CTCFL: variants seen among roughly 807,000 people sequenced by gnomAD.
CTCFL encodes CCCTC-binding factor like.
In CTCFL, 36 loss-of-function variants were observed where a neutral mutation model predicts 67.4. The observed-to-expected ratio is 0.53, with a 90% CI of 0.41 to 0.71. The LOEUF (loss-of-function observed/expected upper bound fraction) is 0.71. Among genes scored for constraint, CTCFL ranks in the 30% least tolerant of loss-of-function variants. The pLI, the probability that CTCFL is intolerant of heterozygous loss-of-function variation, is 0.00. For synonymous variants in CTCFL, 324 were observed against 302.3 expected (o/e 1.07, Z -0.75); for missense variants, 786 against 835.2 (o/e 0.94, Z 0.73).
At chr20:57,501,423 G>C (rs954267768) in intron 10 of CTCFL, among the ~76,000 whole-genome samples, 1 of 151,750 alleles carries the variant, frequency 6.6e-6, no homozygotes, top group Non-Finnish European at 1.5e-5. Flanking sequence ...TGCTCATCTG[G>C]GGGGTGGGTT....
At chr20:57,511,596 CT>C (rs1555851901) in intron 8 of CTCFL, among the ~76,000 whole-genome samples, 3,564 of 134,982 alleles carry the variant, frequency 0.026, 127 homozygotes, top group African/African-American at 0.084. Flanking sequence ...AATCCCCCCC[CT>C]TTTTTTTTTT....
chr20:57,503,316 C>T lies in CTCFL; in HGVS notation c.1840+120G>A, dbSNP rs73297588. The T allele has an allele frequency of 3.5e-4, 418 of 1,196,670 alleles. 2 individuals carry two copies. In the African/African-American group the frequency reaches 4.5e-3, roughly 13 times the overall value. The allele number at this position is 1,196,670 out of a possible 1,614,324, so 74.1% of individuals were successfully genotyped here. A position where few individuals can be genotyped will look rare whatever the true frequency, so the allele number is the denominator to read the frequency against. ...TCTGGCACAAGCCACCTTGCAGGACCGACTGGTGGACAAATAGGGGCTCTG... is the reference window on the plus strand; with the variant it reads ...TCTGGCACAAGCCACCTTGCAGGACTGACTGGTGGACAAATAGGGGCTCTG... On this transcript the variant is annotated intron_variant, in intron 10 of 10. Transcript: ENST00000243914.
At position 57,514,892 on chromosome 20, in the gene CTCFL, T is replaced by A. The variant is rs1263149903; in HGVS notation, c.1181-151A>T. 3 of 735,036 alleles carry A rather than the reference T, an allele frequency of 4.1e-6. No homozygotes were observed. In the African/African-American group the frequency reaches 5.3e-5, roughly 13 times the overall value. 45.5% of individuals were successfully genotyped at this position (735,036 alleles called of 1,614,324 possible). A position where few individuals can be genotyped will look rare whatever the true frequency, so the allele number is the denominator to read the frequency against. On this transcript the variant is annotated intron_variant, in intron 6 of 10. Transcript: ENST00000243914. ...CCCCAATTAGTATGAGACTCCCAAATCAAGCCCAGACAGCTTATGTCAAGT... is the reference window on the plus strand; with the variant it reads ...CCCCAATTAGTATGAGACTCCCAAAACAAGCCCAGACAGCTTATGTCAAGT...
chr20:57,503,774 G>A (rs1004852423), intron 9 of CTCFL, among the ~76,000 whole-genome samples, 173 bp from the exon 10 acceptor site: 4 of 152,086 alleles, frequency 2.6e-5, no homozygotes, highest in Admixed American at 6.5e-5. Context: ...TGATAAGCAA[G>A]AAGGTAATAG....
intron 10 of CTCFL, chr20:57,499,934 C>T: frequency 1.0e-6 from 1 of 984,850 alleles, no homozygotes; most frequent in Non-Finnish European, 1.2e-6. Context: ...TCCTAACAGC[C>T]CACAGGTCCA....
intron 3 of CTCFL, among the ~76,000 whole-genome samples, chr20:57,522,071 G>C (rs957702319): frequency 5.3e-5 from 8 of 152,190 alleles, no homozygotes; most frequent in African/African-American, 1.9e-4. Context: ...AACTTGGGGT[G>C]CAAAGCTCTT....
chr20:57,501,443 G>C (rs1328390136), intron 10 of CTCFL, among the ~76,000 whole-genome samples: 25 of 152,080 alleles, frequency 1.6e-4, no homozygotes, highest in Non-Finnish European at 3.4e-4. Context: ...TCCAGACTCA[G>C]AGTCAGAAGG....
In CTCFL at chr20:57,498,644, A is replaced by C. The variant is rs372207294; in HGVS notation, c.1898T>G (p.Phe633Cys). 7 of 1,614,132 alleles carry C rather than the reference A, an allele frequency of 4.3e-6. No individual in the cohort carries two copies. Among genetic ancestry groups the C allele is most frequent in the Non-Finnish European group, 5.9e-6 (7 of 1,180,002 alleles). The change falls in exon 11 of 11, where the codon TTT (phenylalanine) becomes TGT (cysteine). Residue 633 changes from phenylalanine (F) to cysteine (C), a missense_variant. Phe to Cys is a radical substitution (Grantham distance 205, BLOSUM62 -2). Transcript: ENST00000243914. Reference sequence around the variant, plus strand: ...TGTGGTTTCTCTGCAGGCGACAGGAAACATCTCTCCTGGGAACTGTTCTCC... The same window carrying C: ...TGTGGTTTCTCTGCAGGCGACAGGACACATCTCTCCTGGGAACTGTTCTCC... ...TKGEQFPGEM[F>C]PVACRETTAR...
chr20:57,505,864 C>G (rs1226390920), intron 9 of CTCFL, among the ~76,000 whole-genome samples: 2 of 152,076 alleles, frequency 1.3e-5, no homozygotes, highest in Non-Finnish European at 2.9e-5. Flanking sequence ...AGGTCCTAGG[C>G]AAAAGTAAAA....
At chr20:57,512,118 G>A (rs2068605136) in intron 8 of CTCFL, among the ~76,000 whole-genome samples, 1 of 152,126 alleles carries the variant, frequency 6.6e-6, no homozygotes, top group African/African-American at 2.4e-5. Flanking sequence ...TAAAAAGAAA[G>A]TATTCCAGGT....
At chr20:57,504,195 C>G (rs2068067208) in intron 9 of CTCFL, among the ~76,000 whole-genome samples, 3 of 151,616 alleles carry the variant, frequency 2.0e-5, no homozygotes, top group South Asian at 2.1e-4. Flanking sequence ...CCAGGATGGT[C>G]TCGATCTCCT....
At chr20:57,496,063 G>C, downstream of CTCFL, 1 of 398,536 alleles carries the variant, frequency 2.5e-6, no homozygotes, top group East Asian at 3.6e-5. Context: ...CCTGGCCAAA[G>C]CTCATGTTGA....
rs150729156 is a variant in CTCFL, at chr20:57,514,384, C to T, written c.1330+208G>A. Among the ~76,000 whole-genome samples, 1,077 of 152,278 alleles carry T rather than the reference C, an allele frequency of 7.1e-3. 8 individuals are homozygous for T. The highest frequency in any genetic ancestry group is 9.8e-3 in the African/African-American group (408 of 41,552). ...CGTGCATACGGAACAGGCCTGGGCCCGGATTCTAAAAACATGCTATAAAAT... is the reference window on the plus strand; with the variant it reads ...CGTGCATACGGAACAGGCCTGGGCCTGGATTCTAAAAACATGCTATAAAAT... On this transcript the variant is annotated intron_variant, in intron 7 of 10. Transcript: ENST00000243914.
chr20:57,506,758 C>T (rs947286313), intron 9 of CTCFL: 1 of 981,310 alleles, frequency 1.0e-6, no homozygotes, highest in Non-Finnish European at 1.2e-6. Context: ...TTGTTCTTTT[C>T]TCTACATTTT....
chr20:57,502,965 T>A (rs762840397), intron 10 of CTCFL, among the ~76,000 whole-genome samples: 15 of 152,288 alleles, frequency 9.8e-5, no homozygotes, highest in Admixed American at 2.0e-4. Flanking sequence ...GACTGGAGGA[T>A]GTGGCCACAA....
chr20:57,523,565 C>T (rs2069562954), intron 2 of CTCFL, 98 bp downstream of exon 2: 2 of 1,481,482 alleles, frequency 1.3e-6, no homozygotes, highest in African/African-American at 1.4e-5. Flanking sequence ...CTTTAATTTG[C>T]AACTGCAAAA....
Position 57,497,362 on chromosome 20 carries a change from T to G in CTCFL, c.*1188A>C. 1.0e-6 allele frequency: 1 copy of G among 985,272 alleles called. No individual in the cohort carries two copies. Among genetic ancestry groups the G allele is most frequent in the Non-Finnish European group, 1.2e-6 (1 of 829,772 alleles). The allele number at this position is 985,272 out of a possible 1,614,324, so 61.0% of individuals were successfully genotyped here. On this transcript the variant is annotated 3_prime_UTR_variant, in exon 11 of 11. Transcript: ENST00000243914. ...TATAATGCTCTTCCTGCTGGGAAAT[T>G]ATTTCCACATATTCACATTGTATAG...
chr20:57,497,861 A>C lies in CTCFL; in HGVS notation c.*689T>G. 2 of 984,136 alleles carry C rather than the reference A, an allele frequency of 2.0e-6. No homozygotes were observed. Among genetic ancestry groups the C allele is most frequent in the Non-Finnish European group, 2.4e-6 (2 of 828,738 alleles). 61.0% of individuals were successfully genotyped at this position (984,136 alleles called of 1,614,324 possible). A position where few individuals can be genotyped will look rare whatever the true frequency, so the allele number is the denominator to read the frequency against. ...AATTAAAAGAGAATACAAAAATCTA[A>C]AGGTGAACCTTGCTCCTATACCAAA... On this transcript the variant is annotated 3_prime_UTR_variant, in exon 11 of 11. Transcript: ENST00000243914.
Position 57,504,764 on chromosome 20 carries a change from G to A in CTCFL, c.1675-1163C>T, listed in dbSNP as rs544655720. 2.0e-5 allele frequency among the ~76,000 whole-genome samples: 3 copies of A among 151,840 alleles called. 1 individual carries two copies. Among genetic ancestry groups the A allele is most frequent in the Non-Finnish European group, 4.4e-5 (3 of 67,860 alleles). On this transcript the variant is annotated intron_variant, in intron 9 of 10. Coordinates refer to ENST00000243914, the MANE Select transcript of CTCFL (RefSeq NM_001386993.1). Reference sequence around the variant, plus strand: ...AGAGGCCTAGAGGAGGTCATGCCTCGTGAACCAGAGCTAATACTCTTTTCT... The same window carrying A: ...AGAGGCCTAGAGGAGGTCATGCCTCATGAACCAGAGCTAATACTCTTTTCT...
Sources: gnomAD v4.1 joint callset for allele counts (sites outside exome capture counted in the v4.1 genomes callset) on GRCh38, gnomAD v4.1.1 for gene constraint, MANE v1.5 for transcripts, NCBI Gene and HGNC (gene_info 2026-07-23, HGNC 2026-07-21) for gene names.